GFRA2: variants seen among roughly 807,000 people sequenced by gnomAD.
GFRA2 encodes the protein GDNF family receptor alpha-2.
A neutral mutation model predicts 48.3 loss-of-function variants in GFRA2; 17 were observed. The observed-to-expected ratio is 0.35, with a 90% CI of 0.24 to 0.53. The LOEUF (loss-of-function observed/expected upper bound fraction) is 0.53, where lower values mean the gene tolerates loss of function less well. Among genes scored for constraint, GFRA2 ranks in the 20% least tolerant of loss-of-function variants. GFRA2 has a pLI of 0.93. For missense variants in GFRA2, 660 were observed against 637.3 expected (o/e 1.04, Z -0.38); for synonymous variants, 305 against 257.2 (o/e 1.19, Z -1.78).
At chr8:21,725,371 C>A (rs1803814751) in intron 4 of GFRA2, among the ~76,000 whole-genome samples, 1 of 152,208 alleles carries the variant, frequency 6.6e-6, no homozygotes, top group Admixed American at 6.5e-5. Flanking sequence ...GAGGCCAGGG[C>A]AGAAGCCCTT....
chr8:21,713,020 G>A (rs1237019477), intron 4 of GFRA2, among the ~76,000 whole-genome samples: 1 of 148,334 alleles, frequency 6.7e-6, no homozygotes, highest in African/African-American at 2.5e-5. Context: ...GGAGACGAGG[G>A]AGAGGGAGAG....
chr8:21,733,268 C>T (rs1205960684), intron 4 of GFRA2, among the ~76,000 whole-genome samples: 1 of 152,128 alleles, frequency 6.6e-6, no homozygotes, highest in African/African-American at 2.4e-5. Context: ...AGGCACCGAC[C>T]TCCCCTGCCT....
intron 2 of GFRA2, chr8:21,779,674 C>T (rs1157916997): frequency 6.6e-6 from 1 of 152,240 alleles, no homozygotes; most frequent in East Asian, 1.9e-4. Context: ...TCCCTTTGCT[C>T]ATGCTAGTTC....
At chr8:21,703,519 A>T (rs1802587039) in intron 6 of GFRA2, among the ~76,000 whole-genome samples, 1 of 151,906 alleles carries the variant, frequency 6.6e-6, no homozygotes, top group Non-Finnish European at 1.5e-5. Context: ...GTGCCCAGAA[A>T]ATCTCCGCCT....
At chr8:21,694,618 C>T (rs932110188) in intron 7 of GFRA2, 101 bp from the exon 8 acceptor site, 56 of 1,064,724 alleles carry the variant, frequency 5.3e-5, no homozygotes, top group Non-Finnish European at 7.6e-5. Context: ...CTGTTGGCTC[C>T]GCTAAGCACA....
intron 4 of GFRA2, among the ~76,000 whole-genome samples, chr8:21,707,822 T>A (rs751546499): frequency 6.6e-6 from 1 of 152,260 alleles, no homozygotes; most frequent in African/African-American, 2.4e-5. Flanking sequence ...TTAATGCCAC[T>A]GACTTATACA....
At chr8:21,794,143 T>A (rs892416269) in intron 2 of GFRA2, among the ~76,000 whole-genome samples, 7 of 149,340 alleles carry the variant, frequency 4.7e-5, no homozygotes, top group Non-Finnish European at 7.4e-5. Flanking sequence ...CCTGAGCCAC[T>A]GTGCCCAGCC....
chr8:21,810,397 C>T (rs999498863), intron 1 of GFRA2, among the ~76,000 whole-genome samples: 3 of 152,208 alleles, frequency 2.0e-5, no homozygotes, highest in South Asian at 2.1e-4. Context: ...CCCACAGTCC[C>T]GTCAAGTCCT....
At chr8:21,776,314 G>A (rs1456098411) in intron 2 of GFRA2, among the ~76,000 whole-genome samples, 2 of 151,940 alleles carry the variant, frequency 1.3e-5, no homozygotes, top group African/African-American at 4.8e-5. Context: ...AAATGGGGCA[G>A]CCCCAGAGGA....
At chr8:21,780,586 C>T (rs1419812157) in intron 2 of GFRA2, among the ~76,000 whole-genome samples, 1 of 152,156 alleles carries the variant, frequency 6.6e-6, no homozygotes, top group East Asian at 1.9e-4. Context: ...GACCCACTTC[C>T]TCCCTCGACT....
chr8:21,794,952 TTCAG>T (rs1224446238), intron 2 of GFRA2, among the ~76,000 whole-genome samples: 1 of 152,220 alleles, frequency 6.6e-6, no homozygotes, highest in Middle Eastern at 3.2e-3. Context: ...TCTAATTGAT[TTCAG>T]TCAATGTTCT....
rs529572400 is a variant in GFRA2 at position 21,690,915 on chromosome 8, C to T, written c.*2363G>A. 1 of 152,306 alleles carries T rather than the reference C, an allele frequency of 6.6e-6. No homozygotes were observed. Among genetic ancestry groups the T allele is most frequent in the South Asian group, 2.1e-4 (1 of 4,818 alleles). 9.4% of individuals were successfully genotyped at this position (152,306 alleles called of 1,614,324 possible). A position where few individuals can be genotyped will look rare whatever the true frequency, so the allele number is the denominator to read the frequency against. On this transcript the variant is annotated 3_prime_UTR_variant, in exon 9 of 9. Transcript: ENST00000524240. ...TAAGTTAAATGGTCTTTGCTGTTTG[C>T]AAAGAACACGGATTCCTAAGTGGAT...
chr8:21,761,549 C>T (rs1048538319), intron 3 of GFRA2, among the ~76,000 whole-genome samples: 1 of 152,212 alleles, frequency 6.6e-6, no homozygotes, highest in Non-Finnish European at 1.5e-5. Context: ...AGAACATCTA[C>T]CTGCCTTACA....
chr8:21,779,902 G>A (rs1458638941), intron 2 of GFRA2, among the ~76,000 whole-genome samples: 4 of 151,700 alleles, frequency 2.6e-5, no homozygotes, highest in South Asian at 2.1e-4. Flanking sequence ...TCCCCTGTTC[G>A]AAGGCTCATC....
At position 21,700,819 on chromosome 8, in the gene GFRA2, C is replaced by T. The variant is rs1188717855; in HGVS notation, c.1218+1986G>A. Among the ~76,000 whole-genome samples, 3 of 152,128 alleles carry T rather than the reference C, an allele frequency of 2.0e-5. No individual in the cohort carries two copies. The East Asian group carries it at 5.8e-4, about 29-fold the overall frequency. On this transcript the variant is annotated intron_variant, in intron 7 of 8. Coordinates refer to ENST00000524240, the MANE Select transcript of GFRA2 (RefSeq NM_001495.5). The stretch of plus-strand genomic sequence containing the variant: ...GGGTGTATCTAGGGTGTACAGGCTC[C>T]CCCACCCTTCCTCCCATCCAGGCTC...
chr8:21,786,431 T>G (rs1191148749), intron 1 of GFRA2, among the ~76,000 whole-genome samples: 30 of 152,338 alleles, frequency 2.0e-4, no homozygotes, highest in African/African-American at 7.0e-4. Flanking sequence ...ATACAATTTT[T>G]TTTTCACCTT....
intron 7 of GFRA2, among the ~76,000 whole-genome samples, chr8:21,699,539 T>A (rs1802366682): frequency 6.6e-6 from 1 of 151,952 alleles, no homozygotes; most frequent in South Asian, 2.1e-4. Flanking sequence ...CCCAAGGGAG[T>A]GTCAGGGAGA....
At chr8:21,743,034 G>A (rs1346295190) in intron 4 of GFRA2, among the ~76,000 whole-genome samples, 1 of 152,208 alleles carries the variant, frequency 6.6e-6, no homozygotes, top group East Asian at 1.9e-4. Context: ...AGAGCCTTTA[G>A]TAAAGTAATA....
chr8:21,782,624 G>C lies in GFRA2; in HGVS notation c.316C>G (p.Leu106Val), dbSNP rs961580236. Residue 106 changes from leucine (L) to valine (V), a missense_variant, in exon 2 of 9, where the codon CTG becomes GTG. By Grantham distance (32) the Leu-to-Val change is conservative. Coordinates refer to ENST00000524240, the MANE Select transcript of GFRA2 (RefSeq NM_001495.5). ...AGGTGGATGCTCCAGTAGATCTGCA[G>C]ACACTGCAGCTCCTTCTTCATGCCC... The part of the protein sequence containing the change: ...KRGMKKELQC[L>V]QIYWSIHLGL... 3.2e-6 allele frequency: 5 copies of C among 1,585,246 alleles called. No homozygotes were observed. The Admixed American group carries it at 5.3e-5, about 17-fold the overall frequency.
Sources: allele counts gnomAD v4.1 joint callset (sites outside exome capture counted in the v4.1 genomes callset), GRCh38; gene constraint gnomAD v4.1.1; transcripts MANE v1.5; gene names NCBI Gene and HGNC (gene_info 2026-07-23, HGNC 2026-07-21).